Variants in BAZ1A observed in about 807,000 individuals in gnomAD.
The protein encoded by BAZ1A is bromodomain adjacent to zinc finger domain protein 1A.
Under a neutral mutation model 185.2 loss-of-function variants are expected in BAZ1A, and 50 were observed. The ratio of observed to expected loss-of-function variants is 0.27; its 90% CI spans 0.22 to 0.34. BAZ1A has a LOEUF of 0.34. Among genes scored for constraint, BAZ1A ranks in the 10% least tolerant of loss-of-function variants. BAZ1A has a pLI of 1.00. For missense variants in BAZ1A, 1,356 were observed against 1,839.9 expected (o/e 0.74, Z 4.81); for synonymous variants, 571 against 615.6 (o/e 0.93, Z 1.07).
intron 3 of BAZ1A, among the ~76,000 whole-genome samples, chr14:34,836,371 T>A (rs1408511648): frequency 8.7e-6 from 1 of 114,734 alleles, no homozygotes; most frequent in African/African-American, 3.7e-5. Flanking sequence ...AGAGCGAGAC[T>A]CCGTCTCAAA....
chr14:34,766,685 AC>A (rs1183573757), intron 21 of BAZ1A, among the ~76,000 whole-genome samples: 2 of 152,220 alleles, frequency 1.3e-5, no homozygotes, highest in African/African-American at 2.4e-5. Context: ...ACCCAAAAAA[AC>A]ATAGGCTAAG....
At chr14:34,794,522 C>T (rs1483246008) in intron 11 of BAZ1A, among the ~76,000 whole-genome samples, 1 of 152,112 alleles carries the variant, frequency 6.6e-6, no homozygotes, top group Non-Finnish European at 1.5e-5. Flanking sequence ...TCTTAGAGCC[C>T]CCAGGTGCCA....
chr14:34,826,887 G>C (rs2042172315), intron 3 of BAZ1A, among the ~76,000 whole-genome samples: 1 of 152,242 alleles, frequency 6.6e-6, no homozygotes, highest in Middle Eastern at 3.4e-3. Context: ...CCCTCAATGG[G>C]AGCAGGCACC....
intron 25 of BAZ1A, among the ~76,000 whole-genome samples, chr14:34,758,316 T>G (rs1886358671): frequency 6.9e-6 from 1 of 145,058 alleles, no homozygotes; most frequent in Non-Finnish European, 1.5e-5. Context: ...GTGTGGTGGC[T>G]CACACCTGGA....
intron 25 of BAZ1A, among the ~76,000 whole-genome samples, chr14:34,756,163 G>C (rs1055921253): frequency 6.0e-5 from 9 of 149,254 alleles, no homozygotes; most frequent in African/African-American, 2.2e-4. Context: ...ACCCAGGCTG[G>C]AGTGCAGTGG....
intron 4 of BAZ1A, among the ~76,000 whole-genome samples, chr14:34,813,310 T>C (rs1394502787): frequency 6.6e-6 from 1 of 152,080 alleles, no homozygotes; most frequent in Non-Finnish European, 1.5e-5. Context: ...GAGGACCACT[T>C]GAGCCTGACT....
intron 4 of BAZ1A, among the ~76,000 whole-genome samples, chr14:34,818,867 C>T (rs956174921): frequency 2.6e-5 from 4 of 151,984 alleles, no homozygotes; most frequent in Non-Finnish European, 5.9e-5. Context: ...TTCGGCCGGG[C>T]GCAGTGGCTC....
intron 1 of BAZ1A, 41 bp downstream of exon 1, chr14:34,875,097 A>C (rs1566610677): frequency 2.8e-6 from 1 of 362,034 alleles, no homozygotes; most frequent in Middle Eastern, 1.0e-3. Context: ...GCTCGCCTCC[A>C]CTTCCCCGCC....
Position 34,874,698 on chromosome 14 carries a change from TG to T in BAZ1A, c.-58-37del. ...TGGAGGGAAAGGAAAGCCGGTAAGG[TG>T]GGGAGCCCTCGGCGGCAGCGTGGGC... is the stretch of plus-strand genomic sequence containing the variant. On this transcript the variant is annotated intron_variant, in intron 1 of 26. Transcript: ENST00000360310. The surrounding 1 kb of genome is among the most constrained non-coding windows in gnomAD (Gnocchi z 4.7). 9.1e-7 allele frequency: 1 copy of T among 1,093,498 alleles called. No homozygotes were observed. 67.7% of individuals were successfully genotyped at this position (1,093,498 alleles called of 1,614,324 possible).
chr14:34,834,447 A>G (rs1566587388), intron 3 of BAZ1A, among the ~76,000 whole-genome samples: 2 of 152,224 alleles, frequency 1.3e-5, no homozygotes, highest in Non-Finnish European at 2.9e-5. Context: ...TAGGTCCCAC[A>G]GGGCTACAAT....
rs1205690538 is a variant in BAZ1A, at chr14:34,786,605, G to GT, written c.1511-385dup. 3.5e-3 allele frequency: 412 copies of GT among 119,204 alleles called. 2 individuals carry two copies. Among genetic ancestry groups the GT allele is most frequent in the African/African-American group, 4.3e-3 (132 of 30,866 alleles). 7.4% of individuals were successfully genotyped at this position (119,204 alleles called of 1,614,324 possible). On this transcript the variant is annotated intron_variant, in intron 12 of 26. Coordinates refer to ENST00000360310, the MANE Select transcript of BAZ1A (RefSeq NM_013448.3). ...AAAGATACTCCAATCTTTTATGTGT[G>GT]TTTTTTTTTTTTTTTTTTTTGAGAT...
Position 34,874,360 on chromosome 14 carries a change from G to A in BAZ1A, c.113+132C>T, listed in dbSNP as rs372292647. On this transcript the variant is annotated intron_variant, in intron 2 of 26. Coordinates refer to ENST00000360310, the MANE Select transcript of BAZ1A (RefSeq NM_013448.3). The surrounding 1 kb of genome is among the most constrained non-coding windows in gnomAD (Gnocchi z 4.7). ...GGAGGCCAGGAGGCAGAGAACCGCG[G>A]GCCCGGGGGCCACCCGTCACTTTCA... 3 of 865,960 alleles carry A rather than the reference G, an allele frequency of 3.5e-6. No homozygotes were observed. The highest frequency in any genetic ancestry group is 3.5e-5 in the African/African-American group (2 of 57,204). 53.6% of individuals were successfully genotyped at this position (865,960 alleles called of 1,614,324 possible).
chr14:34,818,623 A>T (rs978940944), intron 4 of BAZ1A, among the ~76,000 whole-genome samples: 1 of 152,158 alleles, frequency 6.6e-6, no homozygotes, highest in Non-Finnish European at 1.5e-5. Flanking sequence ...TAAAGAAAAA[A>T]AATTCCAGAA....
At chr14:34,870,734 G>C (rs962306184) in intron 2 of BAZ1A, among the ~76,000 whole-genome samples, 1 of 152,198 alleles carries the variant, frequency 6.6e-6, no homozygotes, top group African/African-American at 2.4e-5. Context: ...GAGCATAAAT[G>C]CTAGAATAAT....
chr14:34,758,919 T>C, intron 24 of BAZ1A, 73 bp from the exon 25 acceptor site: 1 of 1,431,324 alleles, frequency 7.0e-7, no homozygotes, highest in Non-Finnish European at 9.6e-7. Context: ...AAACTGGATA[T>C]ATAAATACCA....
rs115798234 is a variant in BAZ1A at position 34,799,475 on chromosome 14, G to A, written c.1128+749C>T. Reference sequence around the variant, plus strand: ...CTAAGGCTACTTGTGAATATCCCAAGAAATCTCTGAAAATGGCTGACTTTG... The same window carrying A: ...CTAAGGCTACTTGTGAATATCCCAAAAAATCTCTGAAAATGGCTGACTTTG... On this transcript the variant is annotated intron_variant, in intron 9 of 26. Transcript: ENST00000360310. Among the ~76,000 whole-genome samples, 914 of 152,206 alleles carry A rather than the reference G, an allele frequency of 6.0e-3. 6 individuals are homozygous for A. The highest frequency in any genetic ancestry group is 0.02 in the African/African-American group (844 of 41,540).
intron 2 of BAZ1A, among the ~76,000 whole-genome samples, chr14:34,863,439 A>G (rs1014293141): frequency 1.3e-5 from 2 of 152,014 alleles, no homozygotes; most frequent in Admixed American, 6.6e-5. Flanking sequence ...CTGGGATTAC[A>G]GGTGTGAGCC....
In BAZ1A at chr14:34,771,153, T is replaced by C. The variant is rs1879192381; in HGVS notation, c.3301+358A>G. 3 of 182,456 alleles carry C rather than the reference T, an allele frequency of 1.6e-5. No individual in the cohort carries two copies. The South Asian group carries it at 3.4e-4, about 21-fold the overall frequency. The allele number at this position is 182,456 out of a possible 1,614,324, so 11.3% of individuals were successfully genotyped here. A position where few individuals can be genotyped will look rare whatever the true frequency, so the allele number is the denominator to read the frequency against. On this transcript the variant is annotated intron_variant, in intron 21 of 26. Coordinates refer to ENST00000360310, the MANE Select transcript of BAZ1A (RefSeq NM_013448.3). ...GACTACAGTTGCATGCCATGATGCCTAGCTAATTTTTTTCTTTTTTAATTT... is the reference window on the plus strand; with the variant it reads ...GACTACAGTTGCATGCCATGATGCCCAGCTAATTTTTTTCTTTTTTAATTT...
chr14:34,795,828 T>G (rs1881157224), intron 9 of BAZ1A, 63 bp from the exon 10 acceptor site: 3 of 1,242,508 alleles, frequency 2.4e-6, no homozygotes, highest in Non-Finnish European at 3.5e-6. Context: ...CATCGGCATC[T>G]CCTGAGAACT....
Sources: gnomAD v4.1 joint callset for allele counts (sites outside exome capture counted in the v4.1 genomes callset) on GRCh38, gnomAD v4.1.1 for gene constraint, Gnocchi (gnomAD v3.1) non-coding constraint, MANE v1.5 for transcripts, NCBI Gene and HGNC (gene_info 2026-07-23, HGNC 2026-07-21) for gene names.